The following GPHN variants were observed in gnomAD, a reference collection of about 807,000 sequenced individuals.
GPHN encodes gephyrin.
A neutral mutation model predicts 95.5 loss-of-function variants in GPHN; 17 were observed. The observed-to-expected ratio is 0.18, with a 90% confidence interval of 0.12 to 0.27. GPHN has a LOEUF of 0.27. Among genes scored for constraint, GPHN ranks in the 10% least tolerant of loss-of-function variants. The pLI, the probability that GPHN is intolerant of heterozygous loss-of-function variation, is 1.00. For missense variants in GPHN, 660 were observed against 978.1 expected (o/e 0.67, Z 4.34); for synonymous variants, 320 against 322.5 (o/e 0.99, Z 0.08).
chr14:67,667,302 C>A, the GPHN span, among the ~76,000 whole-genome samples: 11 of 152,116 alleles, frequency 7.2e-5, no homozygotes, highest in Non-Finnish European at 1.5e-4. Flanking sequence ...TCAGTTTCAC[C>A]AGCTCATAAA....
At chr14:67,694,184 G>A in the GPHN span, among the ~76,000 whole-genome samples, 1 of 152,066 alleles carries the variant, frequency 6.6e-6, no homozygotes, top group Non-Finnish European at 1.5e-5. Flanking sequence ...TGCATAGTGC[G>A]AAAATGCTGA....
chr14:66,733,460 C>T (rs2071982833), intron 2 of GPHN, among the ~76,000 whole-genome samples: 1 of 152,106 alleles, frequency 6.6e-6, no homozygotes, highest in African/African-American at 2.4e-5. Context: ...TGAGAACTAA[C>T]ATCTATTTAT....
the GPHN span, among the ~76,000 whole-genome samples, chr14:67,315,268 A>ATTTTTTTT: frequency 9.8e-6 from 1 of 101,588 alleles, no homozygotes; most frequent in Non-Finnish European, 1.9e-5. Context: ...CTTATTTTTA[A>ATTTTTTTT]TTTTTTTTTT....
the GPHN span, among the ~76,000 whole-genome samples, chr14:67,316,460 T>C: frequency 1.3e-5 from 2 of 152,180 alleles, no homozygotes; most frequent in African/African-American, 4.8e-5. Flanking sequence ...GAAAAGTTAA[T>C]TCCTAGAATT....
chr14:67,486,952 G>A, the GPHN span: 1 of 152,188 alleles, frequency 6.6e-6, no homozygotes, highest in Non-Finnish European at 1.5e-5. Context: ...TGCCGAGCAG[G>A]CAGGATCGCT....
chr14:67,012,677 A>G (rs2073077401), intron 9 of GPHN, among the ~76,000 whole-genome samples: 1 of 152,204 alleles, frequency 6.6e-6, no homozygotes, highest in Admixed American at 6.5e-5. Context: ...TGGATATGAT[A>G]ACAAATGCTC....
rs115092096 is a variant in GPHN at position 66,681,295 on chromosome 14, T to C, written c.143+110T>C. On this transcript the variant is annotated intron_variant, in intron 2 of 22. Coordinates refer to ENST00000478722, the MANE Select transcript of GPHN (RefSeq NM_020806.5). Reference sequence around the variant, plus strand: ...TTATTTAAGGTACAACAATTTTTTCTTTTCTAATAATGCGTTTTACACATA... The same window carrying C: ...TTATTTAAGGTACAACAATTTTTTCCTTTCTAATAATGCGTTTTACACATA... The C allele has an allele frequency of 7.9e-4, 581 of 733,734 alleles. 3 individuals carry two copies. In the African/African-American group the frequency reaches 9.3e-3, roughly 12 times the overall value. 45.5% of individuals were successfully genotyped at this position (733,734 alleles called of 1,614,324 possible). A position where few individuals can be genotyped will look rare whatever the true frequency, so the allele number is the denominator to read the frequency against.
intron 2 of GPHN, among the ~76,000 whole-genome samples, chr14:66,705,280 G>A (rs749229151): frequency 2.2e-4 from 34 of 152,202 alleles, no homozygotes; most frequent in South Asian, 6.2e-4. Flanking sequence ...ATTCCAAACA[G>A]TTGAAAAGGA....
At chr14:66,872,576 C>G (rs1218175248) in intron 4 of GPHN, among the ~76,000 whole-genome samples, 3 of 152,004 alleles carry the variant, frequency 2.0e-5, no homozygotes, top group Non-Finnish European at 4.4e-5. Flanking sequence ...TTAGTGTATT[C>G]CAGATTTAAC....
At chr14:67,364,523 G>A in the GPHN span, 2 of 388,744 alleles carry the variant, frequency 5.1e-6, no homozygotes, top group Non-Finnish European at 9.3e-6. Flanking sequence ...TGATTCCTCT[G>A]AAACTAAAGG....
intron 9 of GPHN, among the ~76,000 whole-genome samples, chr14:66,976,921 G>A (rs900497655): frequency 1.4e-5 from 2 of 138,652 alleles, no homozygotes; most frequent in Middle Eastern, 3.4e-3. Context: ...TATGTGGGGG[G>A]GGGGGGAGTA....
chr14:67,624,657 A>T, the GPHN span, among the ~76,000 whole-genome samples: 4 of 152,162 alleles, frequency 2.6e-5, no homozygotes, highest in Non-Finnish European at 5.9e-5. Flanking sequence ...CCATGATCCA[A>T]TCACCTCCCA....
intron 3 of GPHN, among the ~76,000 whole-genome samples, chr14:66,809,511 C>T (rs2060677410): frequency 6.6e-6 from 1 of 152,098 alleles, no homozygotes; most frequent in Non-Finnish European, 1.5e-5. Context: ...AAGATTAATT[C>T]AGGGTTTTCA....
chr14:67,669,436 CTT>C, the GPHN span, among the ~76,000 whole-genome samples: 3 of 144,692 alleles, frequency 2.1e-5, no homozygotes, highest in Admixed American at 6.9e-5. Flanking sequence ...CACTACTCAG[CTT>C]TTTTTTTTTT....
At chr14:67,481,233 T>C in the GPHN span, among the ~76,000 whole-genome samples, 1 of 152,100 alleles carries the variant, frequency 6.6e-6, no homozygotes, top group Non-Finnish European at 1.5e-5. Flanking sequence ...CAGTGAGCTA[T>C]GATTGTGCCA....
chr14:66,704,119 A>T (rs143330545), intron 2 of GPHN, among the ~76,000 whole-genome samples: 2,026 of 152,316 alleles, frequency 0.013, 21 homozygotes, highest in Middle Eastern at 0.02. Flanking sequence ...AGAAGAGCTG[A>T]CTATTCTAAA....
the GPHN span, among the ~76,000 whole-genome samples, chr14:67,422,952 C>T: frequency 6.6e-6 from 1 of 151,892 alleles, no homozygotes; most frequent in Non-Finnish European, 1.5e-5. Flanking sequence ...CTGCCTCAGC[C>T]TCCCGAGTAG....
intron 9 of GPHN, among the ~76,000 whole-genome samples, chr14:66,966,770 T>A (rs1425408533): frequency 6.6e-6 from 1 of 152,034 alleles, no homozygotes; most frequent in East Asian, 1.9e-4. Context: ...AAGGCATAGT[T>A]GCTTTTCCTT....
At chr14:67,716,192 G>A in the GPHN span, among the ~76,000 whole-genome samples, 3 of 137,140 alleles carry the variant, frequency 2.2e-5, no homozygotes, top group Admixed American at 1.5e-4. Flanking sequence ...GTGAGACTCC[G>A]TCTCAAAAAA....
Sources: allele counts gnomAD v4.1 joint callset (sites outside exome capture counted in the v4.1 genomes callset), GRCh38; gene constraint gnomAD v4.1.1; transcripts MANE v1.5; gene names NCBI Gene and HGNC (gene_info 2026-07-23, HGNC 2026-07-21).